The following ADARB2 variants were observed in gnomAD, a reference collection of about 807,000 sequenced individuals.
ADARB2 encodes inactive double-stranded RNA-specific editase B2.
ADARB2 carries 25 observed loss-of-function variants against 62.2 expected under a neutral mutation model. The observed-to-expected ratio is 0.40, with a 90% confidence interval of 0.29 to 0.56. The LOEUF (loss-of-function observed/expected upper bound fraction) is 0.56, where lower values mean the gene tolerates loss of function less well. Among genes scored for constraint, ADARB2 ranks in the 20% least tolerant of loss-of-function variants. The pLI, the probability that ADARB2 is intolerant of heterozygous loss-of-function variation, is 0.43. For synonymous variants in ADARB2, 572 were observed against 500.8 expected (o/e 1.14, Z -1.90); for missense variants, 1,071 against 1,077.4 (o/e 0.99, Z 0.08).
At chr10:1,529,263 C>A (rs1028327811) in intron 1 of ADARB2, among the ~76,000 whole-genome samples, 1 of 132,648 alleles carries the variant, frequency 7.5e-6, no homozygotes, top group Non-Finnish European at 1.7e-5. Flanking sequence ...ACGCACCATG[C>A]CCAACACCAA....
At chr10:1,219,580 G>A (rs774194667) in intron 6 of ADARB2, among the ~76,000 whole-genome samples, 4 of 152,240 alleles carry the variant, frequency 2.6e-5, no homozygotes, top group Non-Finnish European at 4.4e-5. Flanking sequence ...GAGGTATTGA[G>A]CCTGGGCAGG....
chr10:1,693,232 A>G (rs1399135101), intron 1 of ADARB2, among the ~76,000 whole-genome samples: 1 of 152,186 alleles, frequency 6.6e-6, no homozygotes, highest in African/African-American at 2.4e-5. Flanking sequence ...GGGCCTTGGC[A>G]ACAATCCCTA....
At chr10:1,517,931 T>G (rs952213576) in intron 1 of ADARB2, among the ~76,000 whole-genome samples, 3 of 152,136 alleles carry the variant, frequency 2.0e-5, no homozygotes, top group African/African-American at 7.2e-5. Context: ...GGACAGAGCC[T>G]TTGCATGGCA....
At chr10:1,508,903 T>C in intron 1 of ADARB2, among the ~76,000 whole-genome samples, 1 of 152,208 alleles carries the variant, frequency 6.6e-6, no homozygotes, top group East Asian at 1.9e-4. Flanking sequence ...GAACCCAGGC[T>C]CTGCGGAGGC....
chr10:1,263,809 T>TCCAGGCTAAACTATTTAAATGAG (rs568959863), intron 4 of ADARB2, among the ~76,000 whole-genome samples: 2 of 152,206 alleles, frequency 1.3e-5, no homozygotes, highest in African/African-American at 4.8e-5. Context: ...TGTGAATTAT[T>TCCAGGCTAAACTATTTAAATGAG]CCAGGCTAAA....
intron 3 of ADARB2, among the ~76,000 whole-genome samples, chr10:1,348,693 G>A (rs897313283): frequency 2.6e-5 from 4 of 152,294 alleles, no homozygotes; most frequent in South Asian, 2.1e-4. Context: ...TGAAGGCCCC[G>A]AGATGGGGTC....
intron 3 of ADARB2, among the ~76,000 whole-genome samples, chr10:1,274,239 A>G (rs891136040): frequency 6.6e-6 from 1 of 152,256 alleles, no homozygotes; most frequent in South Asian, 2.1e-4. Flanking sequence ...ACACTTCCCC[A>G]GCTCAGGCAG....
At chr10:1,409,687 A>C (rs1358458247) in intron 1 of ADARB2, among the ~76,000 whole-genome samples, 1 of 109,746 alleles carries the variant, frequency 9.1e-6, no homozygotes, top group Non-Finnish European at 2.0e-5. Flanking sequence ...ATGGGGAAGG[A>C]TTCTCAGTGG....
intron 1 of ADARB2, among the ~76,000 whole-genome samples, chr10:1,510,164 CTTT>C (rs1831917520): frequency 1.1e-5 from 1 of 89,740 alleles, no homozygotes; most frequent in South Asian, 3.4e-4. Context: ...TTCTTTCTTT[CTTT>C]CTTTTTCTTT....
intron 3 of ADARB2, among the ~76,000 whole-genome samples, chr10:1,301,991 A>G (rs1291393666): frequency 6.6e-6 from 1 of 152,076 alleles, no homozygotes; most frequent in African/African-American, 2.4e-5. Flanking sequence ...GGGTTTGACA[A>G]ATGTATAAAA....
At chr10:1,435,193 G>T (rs1188526846) in intron 1 of ADARB2, among the ~76,000 whole-genome samples, 1 of 152,178 alleles carries the variant, frequency 6.6e-6, no homozygotes, top group Admixed American at 6.5e-5. Context: ...TACGGGGAAG[G>T]TGGTGCTGGC....
intron 6 of ADARB2, among the ~76,000 whole-genome samples, chr10:1,224,582 T>C (rs1471328793): frequency 4.6e-5 from 7 of 152,340 alleles, no homozygotes; most frequent in Admixed American, 2.6e-4. Context: ...AATTTCCCTC[T>C]ACACACTGCT....
At chr10:1,646,610 G>A (rs10794781) in intron 1 of ADARB2, among the ~76,000 whole-genome samples, 107,091 of 152,212 alleles carry the variant, frequency 0.7, 37,727 homozygotes, top group East Asian at 0.76. Context: ...CAAAATGCCA[G>A]TCTTTCCATC....
intron 1 of ADARB2, among the ~76,000 whole-genome samples, chr10:1,573,309 C>G (rs1365569503): frequency 6.6e-6 from 1 of 152,166 alleles, no homozygotes; most frequent in Non-Finnish European, 1.5e-5. Flanking sequence ...CAACTGTGCT[C>G]AGGTTGCAAC....
chr10:1,653,946 G>A (rs924449042), intron 1 of ADARB2, among the ~76,000 whole-genome samples: 4 of 152,140 alleles, frequency 2.6e-5, no homozygotes, highest in Non-Finnish European at 5.9e-5. Flanking sequence ...GTGTGGCTGG[G>A]GGAGGGGAGT....
At chr10:1,298,230 A>G (rs1187493905) in intron 3 of ADARB2, among the ~76,000 whole-genome samples, 1 of 152,262 alleles carries the variant, frequency 6.6e-6, no homozygotes, top group Non-Finnish European at 1.5e-5. Flanking sequence ...ATTGAAAAAA[A>G]TAACACAAGT....
At chr10:1,577,359 G>A (rs974305739) in intron 1 of ADARB2, among the ~76,000 whole-genome samples, 15 of 150,722 alleles carry the variant, frequency 1.0e-4, no homozygotes, top group Non-Finnish European at 2.2e-4. Flanking sequence ...CATGCACACA[G>A]GAGGTGGATG....
intron 1 of ADARB2, among the ~76,000 whole-genome samples, chr10:1,674,392 G>A (rs1377110525): frequency 1.3e-5 from 2 of 152,130 alleles, no homozygotes; most frequent in African/African-American, 2.4e-5. Context: ...TTCCTTGGTC[G>A]GCATTTTGGA....
chr10:1,217,219 C>G, intron 6 of ADARB2, 100 bp from the exon 7 acceptor site: 1 of 1,206,930 alleles, frequency 8.3e-7, no homozygotes, highest in Non-Finnish European at 1.1e-6. Flanking sequence ...CAAAGGGCCC[C>G]TCACCATGGC....
Sources: gnomAD v4.1 joint callset for allele counts (sites outside exome capture counted in the v4.1 genomes callset) on GRCh38, gnomAD v4.1.1 for gene constraint, MANE v1.5 for transcripts, NCBI Gene and HGNC (gene_info 2026-07-23, HGNC 2026-07-21) for gene names.